CDH4: variants seen among roughly 807,000 people sequenced by gnomAD.
CDH4 encodes cadherin 4.
CDH4 carries 33 observed loss-of-function variants against 86.0 expected under a neutral mutation model. That is an observed-to-expected ratio of 0.38 (90% CI 0.29 to 0.51). The LOEUF is 0.51. Ranked by LOEUF, CDH4 falls within the 20% of genes least tolerant of loss-of-function variation. The pLI is 0.86. For synonymous variants in CDH4, 555 were observed against 549.4 expected (o/e 1.01, Z -0.14); for missense variants, 1,114 against 1,307.4 (o/e 0.85, Z 2.28).
intron 2 of CDH4, among the ~76,000 whole-genome samples, chr20:61,320,099 A>G (rs2084500053): frequency 6.6e-6 from 1 of 152,074 alleles, no homozygotes; most frequent in East Asian, 1.9e-4. Context: ...AATTGCTCGT[A>G]TTTTTGCAGC....
At chr20:61,633,086 C>T (rs1204937143) in intron 2 of CDH4, among the ~76,000 whole-genome samples, 5 of 151,358 alleles carry the variant, frequency 3.3e-5, no homozygotes, top group Non-Finnish European at 7.4e-5. Flanking sequence ...ATCCATCTAT[C>T]TGTTCATCTA....
chr20:61,322,306 C>T (rs758562847), intron 2 of CDH4, among the ~76,000 whole-genome samples: 2 of 152,326 alleles, frequency 1.3e-5, no homozygotes, highest in African/African-American at 2.4e-5. Flanking sequence ...CCTGAGGCTT[C>T]GCCTGGCTCT....
At chr20:61,658,180 T>C (rs2087212509) in intron 2 of CDH4, among the ~76,000 whole-genome samples, 1 of 151,786 alleles carries the variant, frequency 6.6e-6, no homozygotes, top group Admixed American at 6.6e-5. Flanking sequence ...TTAGAGAGGG[T>C]TCAAATGCAT....
chr20:61,543,521 G>A (rs2086055295), intron 2 of CDH4, among the ~76,000 whole-genome samples: 1 of 152,152 alleles, frequency 6.6e-6, no homozygotes, highest in Non-Finnish European at 1.5e-5. Context: ...ACCTTAATAG[G>A]ATTCATTTGT....
intron 2 of CDH4, among the ~76,000 whole-genome samples, chr20:61,296,823 G>A (rs1392387717): frequency 2.0e-5 from 3 of 152,122 alleles, no homozygotes; most frequent in African/African-American, 7.2e-5. Context: ...GGTGACGGAC[G>A]GACGATGGGC....
chr20:61,545,834 G>C (rs1238675890), intron 2 of CDH4, among the ~76,000 whole-genome samples: 1 of 150,430 alleles, frequency 6.6e-6, no homozygotes, highest in African/African-American at 2.5e-5. Flanking sequence ...GTGTGTATGT[G>C]TGTGTGTGGA....
chr20:61,939,328 G>A lies in CDH4; in HGVS notation c.*2385G>A, dbSNP rs1002476673. 6.6e-6 allele frequency: 1 copy of A among 152,344 alleles called. No homozygotes were observed. Among genetic ancestry groups the A allele is most frequent in the Non-Finnish European group, 1.5e-5 (1 of 68,130 alleles). The allele number at this position is 152,344 out of a possible 1,614,324, so 9.4% of individuals were successfully genotyped here. On this transcript the variant is annotated 3_prime_UTR_variant, in exon 16 of 16. Coordinates refer to ENST00000614565, the MANE Select transcript of CDH4 (RefSeq NM_001794.5). ...GCAGCCGCCGCTACCCAGGAGGGCT[G>A]GGCGACATTGGCCGCCTCCCACTAG...
chr20:61,315,745 C>A (rs991026460), intron 2 of CDH4, among the ~76,000 whole-genome samples: 3 of 152,144 alleles, frequency 2.0e-5, no homozygotes, highest in African/African-American at 7.2e-5. Context: ...GCTCTGTCAC[C>A]CATGCTGGAG....
At chr20:61,494,131 G>A (rs758433784) in intron 2 of CDH4, among the ~76,000 whole-genome samples, 3 of 152,318 alleles carry the variant, frequency 2.0e-5, no homozygotes, top group East Asian at 1.9e-4. Context: ...GGGCCGAGCC[G>A]GGCTGGGTGT....
intron 2 of CDH4, among the ~76,000 whole-genome samples, chr20:61,628,274 C>T (rs891458870): frequency 1.3e-5 from 2 of 152,134 alleles, no homozygotes; most frequent in Non-Finnish European, 2.9e-5. Flanking sequence ...GTGCCGCCTG[C>T]CGTGCCACGG....
At chr20:61,290,632 G>C (rs1453149737) in intron 2 of CDH4, among the ~76,000 whole-genome samples, 2 of 152,316 alleles carry the variant, frequency 1.3e-5, no homozygotes, top group Admixed American at 1.3e-4. Flanking sequence ...AAGGGGATGT[G>C]GGGTGAAGAG....
intron 2 of CDH4, among the ~76,000 whole-genome samples, chr20:61,426,063 C>T (rs1185266336): frequency 6.6e-6 from 1 of 152,200 alleles, no homozygotes; most frequent in Non-Finnish European, 1.5e-5. Flanking sequence ...GATTTGACTC[C>T]TTACTAACTC....
chr20:61,749,238 G>T (rs2088457264), intron 3 of CDH4, among the ~76,000 whole-genome samples: 1 of 152,116 alleles, frequency 6.6e-6, no homozygotes, highest in African/African-American at 2.4e-5. Context: ...AAAATTGATA[G>T]AAATAAAAGG....
chr20:61,461,524 G>T (rs2145559117), intron 2 of CDH4, among the ~76,000 whole-genome samples: 1 of 152,318 alleles, frequency 6.6e-6, no homozygotes, highest in Middle Eastern at 3.4e-3. Flanking sequence ...TGAATGAGTG[G>T]GTTCAAGCAA....
At chr20:61,932,613 G>A (rs1456549395) in intron 13 of CDH4, among the ~76,000 whole-genome samples, 9 of 152,130 alleles carry the variant, frequency 5.9e-5, no homozygotes, top group Non-Finnish European at 1.3e-4. Flanking sequence ...CCAGGCACAC[G>A]CATGTGCAAG....
intron 2 of CDH4, among the ~76,000 whole-genome samples, chr20:61,375,774 C>T (rs1187115250): frequency 6.0e-5 from 2 of 33,062 alleles, no homozygotes; most frequent in Admixed American, 4.4e-4. Context: ...TGGTGGTGGT[C>T]ATAGCACTGG....
At chr20:61,648,426 A>G (rs2087087926) in intron 2 of CDH4, among the ~76,000 whole-genome samples, 1 of 152,152 alleles carries the variant, frequency 6.6e-6, no homozygotes, top group South Asian at 2.1e-4. Context: ...GATGTGGAGA[A>G]GGCACACAGA....
At chr20:61,587,642 G>T (rs1017307199) in intron 2 of CDH4, among the ~76,000 whole-genome samples, 3 of 151,998 alleles carry the variant, frequency 2.0e-5, no homozygotes, top group Non-Finnish European at 4.4e-5. Context: ...GGGGCACCAC[G>T]TCTTCCACAG....
chr20:61,804,828 A>G (rs896215826), intron 4 of CDH4, among the ~76,000 whole-genome samples: 2 of 152,250 alleles, frequency 1.3e-5, no homozygotes, highest in Non-Finnish European at 2.9e-5. Context: ...TGCAAGGGGC[A>G]GAAGCCAACT....
Sources: allele counts gnomAD v4.1 joint callset (sites outside exome capture counted in the v4.1 genomes callset), GRCh38; gene constraint gnomAD v4.1.1; transcripts MANE v1.5; gene names NCBI Gene and HGNC (gene_info 2026-07-23, HGNC 2026-07-21).